Variants in ZNF804B observed in about 807,000 individuals in gnomAD.
The protein encoded by ZNF804B is zinc finger protein 804B.
Under a neutral mutation model 101.4 loss-of-function variants are expected in ZNF804B, and 80 were observed. That is an observed-to-expected ratio of 0.79 (90% CI 0.66 to 0.95). ZNF804B has a LOEUF of 0.95. Ranked by LOEUF, ZNF804B falls within the 40% of genes least tolerant of loss-of-function variation. ZNF804B has a pLI of 0.00. For synonymous variants in ZNF804B, 622 were observed against 558.8 expected, an observed-to-expected ratio of 1.11 and a Z score of -1.59; for missense variants, 1,673 against 1,561.9, an observed-to-expected ratio of 1.07 and a Z score of -1.20.
At chr7:88,889,017 C>T (rs966965554) in intron 1 of ZNF804B, among the ~76,000 whole-genome samples, 4 of 152,058 alleles carry the variant, frequency 2.6e-5, no homozygotes, top group African/African-American at 9.7e-5. Flanking sequence ...TGTTTAACTC[C>T]CACTTATTAG....
chr7:89,188,592 A>G (rs1357405913), intron 1 of ZNF804B, among the ~76,000 whole-genome samples: 1 of 152,182 alleles, frequency 6.6e-6, no homozygotes, highest in African/African-American at 2.4e-5. Context: ...AACAGTTAGC[A>G]AAGTTCTGAA....
intron 2 of ZNF804B, among the ~76,000 whole-genome samples, chr7:89,309,245 A>AT (rs1790613970): frequency 6.6e-6 from 1 of 152,050 alleles, no homozygotes; most frequent in Admixed American, 6.6e-5. Context: ...AACATGTGGT[A>AT]TTTGGCTTTC....
chr7:88,955,702 G>T (rs1259186323), intron 1 of ZNF804B, among the ~76,000 whole-genome samples: 2 of 151,400 alleles, frequency 1.3e-5, no homozygotes, highest in African/African-American at 4.8e-5. Flanking sequence ...AAGATTTTGT[G>T]GCTAAGACCT....
chr7:89,191,614 A>G (rs1341486704), intron 1 of ZNF804B, among the ~76,000 whole-genome samples: 1 of 152,160 alleles, frequency 6.6e-6, no homozygotes, highest in African/African-American at 2.4e-5. Flanking sequence ...TAACTTTAGC[A>G]ATATTTTAAT....
chr7:88,964,252 A>G (rs1793426425), intron 1 of ZNF804B, among the ~76,000 whole-genome samples: 1 of 151,502 alleles, frequency 6.6e-6, no homozygotes, highest in Non-Finnish European at 1.5e-5. Context: ...TGTGTTATTC[A>G]CAATTGCCAA....
At chr7:88,879,089 A>G (rs987591303) in intron 1 of ZNF804B, among the ~76,000 whole-genome samples, 2 of 152,216 alleles carry the variant, frequency 1.3e-5, no homozygotes. Context: ...AAAAGGACCA[A>G]GTGGTTTGAA....
At chr7:89,103,685 C>T (rs957741334) in intron 1 of ZNF804B, among the ~76,000 whole-genome samples, 1 of 151,740 alleles carries the variant, frequency 6.6e-6, no homozygotes, top group African/African-American at 2.4e-5. Flanking sequence ...GAATAGAGAA[C>T]TTTGACTTCC....
chr7:89,307,812 A>G (rs1475634860), intron 2 of ZNF804B, among the ~76,000 whole-genome samples: 2 of 152,056 alleles, frequency 1.3e-5, no homozygotes, highest in African/African-American at 4.8e-5. Flanking sequence ...AAGAAATTCC[A>G]CTCTGAAAAT....
At chr7:88,931,298 T>G (rs1792881183) in intron 1 of ZNF804B, among the ~76,000 whole-genome samples, 1 of 151,858 alleles carries the variant, frequency 6.6e-6, no homozygotes, top group African/African-American at 2.4e-5. Context: ...TAATTGGTAT[T>G]TATATTTGAA....
rs1562946682 is a variant in ZNF804B, at chr7:89,327,430, TAAAC to T, written c.337_340del (p.Lys113AspfsTer8). ...ATGAGAAAAAACAAGAAAAAGCACT[TAAAC>T]GACTTCATCAGCTGGCTGAGTTAAG... is the stretch of plus-strand genomic sequence containing the variant. On this transcript the variant is annotated frameshift_variant, in exon 3 of 4. Coordinates refer to ENST00000333190, the MANE Select transcript of ZNF804B (RefSeq NM_181646.5). LOFTEE classifies it high-confidence loss of function. 1 of 1,611,500 alleles carries T rather than the reference TAAAC, an allele frequency of 6.2e-7. No homozygotes were observed. The highest frequency in any genetic ancestry group is 1.7e-5 in the Admixed American group (1 of 59,754).
At chr7:88,886,398 C>T (rs1792128485) in intron 1 of ZNF804B, among the ~76,000 whole-genome samples, 1 of 152,044 alleles carries the variant, frequency 6.6e-6, no homozygotes, top group African/African-American at 2.4e-5. Context: ...CAACAAACCC[C>T]TGTGACATGA....
In ZNF804B at chr7:89,064,479, G is replaced by A. The variant is rs961416994; in HGVS notation, c.109-153676G>A. ...AATAATTAGCTCACATAACTGAAAA[G>A]TTGAGAACTAAGTAAACTTTAAATG... On this transcript the variant is annotated intron_variant, in intron 1 of 3. Transcript: ENST00000333190. Among the ~76,000 whole-genome samples, 8 of 152,118 alleles carry A rather than the reference G, an allele frequency of 5.3e-5. 1 individual carries two copies. Among genetic ancestry groups the A allele is most frequent in the Admixed American group, 5.2e-4 (8 of 15,268 alleles).
intron 1 of ZNF804B, among the ~76,000 whole-genome samples, chr7:88,860,181 G>T (rs953498345): frequency 1.3e-5 from 2 of 151,922 alleles, no homozygotes; most frequent in African/African-American, 4.8e-5. Context: ...AAATGCTCTT[G>T]CTCAGAGTAT....
chr7:89,208,295 G>T (rs1372648317), intron 1 of ZNF804B, among the ~76,000 whole-genome samples: 2 of 152,026 alleles, frequency 1.3e-5, no homozygotes, highest in African/African-American at 4.8e-5. Context: ...TGTTAGCCAG[G>T]ATGGTCTCAA....
intron 2 of ZNF804B, among the ~76,000 whole-genome samples, chr7:89,317,787 C>A (rs1790757523): frequency 6.6e-6 from 1 of 152,190 alleles, no homozygotes; most frequent in African/African-American, 2.4e-5. Context: ...CAACCCAAAA[C>A]TCTCAGCTGC....
At chr7:88,956,795 C>T (rs1793316721) in intron 1 of ZNF804B, among the ~76,000 whole-genome samples, 1 of 151,362 alleles carries the variant, frequency 6.6e-6, no homozygotes. Flanking sequence ...TGGTAAGACT[C>T]CATGCCATTC....
At chr7:88,911,226 A>G (rs1792546114) in intron 1 of ZNF804B, among the ~76,000 whole-genome samples, 2 of 151,914 alleles carry the variant, frequency 1.3e-5, no homozygotes, top group Admixed American at 1.3e-4. Flanking sequence ...AAAGGTTCAG[A>G]ATCATTCCCT....
chr7:89,182,886 C>A (rs1788318583), intron 1 of ZNF804B, among the ~76,000 whole-genome samples: 1 of 152,074 alleles, frequency 6.6e-6, no homozygotes, highest in Admixed American at 6.6e-5. Flanking sequence ...TGCATGTCTA[C>A]TCTGCACCAG....
At chr7:89,037,566 G>GATATATATAT (rs59604792) in intron 1 of ZNF804B, among the ~76,000 whole-genome samples, 12 of 145,748 alleles carry the variant, frequency 8.2e-5, no homozygotes, top group African/African-American at 3.0e-4. Flanking sequence ...GTAATGCATG[G>GATATATATAT]ATATATATAT....
Sources: allele counts gnomAD v4.1 joint callset (sites outside exome capture counted in the v4.1 genomes callset), GRCh38; gene constraint gnomAD v4.1.1; transcripts MANE v1.5; gene names NCBI Gene and HGNC (gene_info 2026-07-23, HGNC 2026-07-21).